The following RAB3C variants were observed in gnomAD, a reference collection of about 807,000 sequenced individuals.
RAB3C encodes RAB3C, member RAS oncogene family.
Under a neutral mutation model 26.4 loss-of-function variants are expected in RAB3C, and 17 were observed. That is an observed-to-expected ratio of 0.64 (90% CI 0.44 to 0.97). RAB3C has a LOEUF of 0.97. Ranked by LOEUF, RAB3C falls within the 50% of genes least tolerant of loss-of-function variation. The pLI is 0.00. For synonymous variants in RAB3C, 91 were observed against 95.9 expected (o/e 0.95, Z 0.30); for missense variants, 242 against 281.9 (o/e 0.86, Z 1.01).
At chr5:58,827,335 G>A (rs887765045) in intron 4 of RAB3C, among the ~76,000 whole-genome samples, 7 of 152,156 alleles carry the variant, frequency 4.6e-5, no homozygotes, top group Admixed American at 1.3e-4. Context: ...CTACACAGAT[G>A]TAGGCTGTCT....
intron 2 of RAB3C, among the ~76,000 whole-genome samples, chr5:58,682,496 A>G (rs1456452606): frequency 1.3e-5 from 2 of 152,002 alleles, no homozygotes; most frequent in Non-Finnish European, 2.9e-5. Context: ...CACCCTGGCT[A>G]ACATGGTGAA....
intron 2 of RAB3C, among the ~76,000 whole-genome samples, chr5:58,641,436 A>T (rs1213266621): frequency 6.6e-6 from 1 of 152,238 alleles, no homozygotes; most frequent in South Asian, 2.1e-4. Context: ...AAATAATTTT[A>T]ACACCAGAAA....
chr5:58,836,253 AAAATT>A (rs1554021660), intron 4 of RAB3C, among the ~76,000 whole-genome samples: 1 of 142,320 alleles, frequency 7.0e-6, no homozygotes, highest in Non-Finnish European at 1.6e-5. Flanking sequence ...CTTTATTTTT[AAAATT>A]AAATTAATTT....
intron 3 of RAB3C, among the ~76,000 whole-genome samples, chr5:58,728,599 T>C (rs952527042): frequency 4.6e-5 from 7 of 152,036 alleles, no homozygotes; most frequent in Non-Finnish European, 7.4e-5. Context: ...TCTTATTATG[T>C]ACAGTAGCGA....
intron 2 of RAB3C, among the ~76,000 whole-genome samples, chr5:58,680,918 T>C (rs554153045): frequency 1.3e-5 from 2 of 152,206 alleles, no homozygotes; most frequent in Non-Finnish European, 2.9e-5. Flanking sequence ...TAAAGGGCTA[T>C]TATTCAGCCC....
Position 58,716,058 on chromosome 5 carries a change from T to A in RAB3C, c.253-9944T>A, listed in dbSNP as rs865952822. ...AAAAAAAGAAAAGGAAAAAAAATAA[T>A]AAATAAATAAATACATAAAAGTCTT... On this transcript the variant is annotated intron_variant, in intron 2 of 4. Coordinates refer to ENST00000282878, the MANE Select transcript of RAB3C (RefSeq NM_138453.4). Among the ~76,000 whole-genome samples the A allele has an allele frequency of 3.6e-3, 445 of 123,250 alleles. 7 individuals are homozygous for A. The highest frequency in any genetic ancestry group is 0.015 in the African/African-American group (409 of 26,624). 80.9% of individuals were successfully genotyped at this position (123,250 alleles called of 152,430 possible).
At chr5:58,754,199 C>T (rs1224012249) in intron 3 of RAB3C, among the ~76,000 whole-genome samples, 7 of 152,174 alleles carry the variant, frequency 4.6e-5, no homozygotes, top group African/African-American at 1.7e-4. Context: ...CACTGTCTCT[C>T]TCCCTGGTTG....
At chr5:58,830,211 A>C (rs148726325) in intron 4 of RAB3C, among the ~76,000 whole-genome samples, 191 of 152,352 alleles carry the variant, frequency 1.3e-3, no homozygotes, top group African/African-American at 4.3e-3. Context: ...CTTGAAGTAG[A>C]AAGAGATACA....
intron 2 of RAB3C, among the ~76,000 whole-genome samples, chr5:58,681,370 A>G (rs769593573): frequency 5.3e-5 from 8 of 152,226 alleles, no homozygotes; most frequent in Admixed American, 1.3e-4. Context: ...TGAAACTGGT[A>G]CTAAACTAGA....
chr5:58,706,463 G>A (rs934336710), intron 2 of RAB3C, among the ~76,000 whole-genome samples: 9 of 152,128 alleles, frequency 5.9e-5, no homozygotes, highest in African/African-American at 1.9e-4. Context: ...AATATAATGA[G>A]AATATATCCA....
chr5:58,667,860 A>G (rs293030), intron 2 of RAB3C, among the ~76,000 whole-genome samples: 52,774 of 151,952 alleles, frequency 0.35, 9,514 homozygotes, highest in East Asian at 0.42. Context: ...TAGTCTCTTG[A>G]CACTTATTTT....
At chr5:58,697,520 G>A (rs1185862012) in intron 2 of RAB3C, among the ~76,000 whole-genome samples, 5 of 152,118 alleles carry the variant, frequency 3.3e-5, no homozygotes, top group African/African-American at 9.7e-5. Context: ...ATTGGCAGTA[G>A]GGTGTTAAAG....
chr5:58,658,956 G>T (rs534467671), intron 2 of RAB3C, among the ~76,000 whole-genome samples: 1 of 152,128 alleles, frequency 6.6e-6, no homozygotes, highest in Non-Finnish European at 1.5e-5. Flanking sequence ...AGAGCAAGTC[G>T]CAAGTCCAGC....
At chr5:58,824,887 C>G in intron 3 of RAB3C, 151 bp from the exon 4 acceptor site, 1 of 545,272 alleles carries the variant, frequency 1.8e-6, no homozygotes, top group South Asian at 2.4e-5. Context: ...AAATTGCACT[C>G]AACTAATTAA....
intron 1 of RAB3C, among the ~76,000 whole-genome samples, chr5:58,616,281 A>G (rs373422326): frequency 6.6e-6 from 1 of 152,214 alleles, no homozygotes. Flanking sequence ...TGCACTTGAA[A>G]TGTGGCTAGT....
chr5:58,603,789 C>T (rs1459885126), intron 1 of RAB3C, among the ~76,000 whole-genome samples: 1 of 152,112 alleles, frequency 6.6e-6, no homozygotes, highest in South Asian at 2.1e-4. Flanking sequence ...AACTAACTGC[C>T]TTAATTCTTT....
intron 2 of RAB3C, among the ~76,000 whole-genome samples, chr5:58,672,885 C>T: frequency 6.6e-6 from 1 of 152,152 alleles, no homozygotes; most frequent in Non-Finnish European, 1.5e-5. Context: ...CATTTATATG[C>T]TAGGAGAAGA....
At chr5:58,845,350 G>A (rs1271251524) in intron 4 of RAB3C, among the ~76,000 whole-genome samples, 3 of 151,908 alleles carry the variant, frequency 2.0e-5, no homozygotes, top group South Asian at 2.1e-4. Flanking sequence ...TGTTCTTCAC[G>A]TGCACCGGAA....
At chr5:58,595,006 T>C (rs1014870189) in intron 1 of RAB3C, among the ~76,000 whole-genome samples, 6 of 152,104 alleles carry the variant, frequency 3.9e-5, no homozygotes, top group African/African-American at 1.4e-4. Context: ...TATTCCTCAT[T>C]TTGTGTTCTC....
Sources: allele counts gnomAD v4.1 joint callset (sites outside exome capture counted in the v4.1 genomes callset), GRCh38; gene constraint gnomAD v4.1.1; transcripts MANE v1.5; gene names NCBI Gene and HGNC (gene_info 2026-07-23, HGNC 2026-07-21).